Variants in ERC2 observed in about 807,000 individuals in gnomAD.
ERC2 encodes the protein ERC protein 2.
In ERC2, 42 loss-of-function variants were observed where a neutral mutation model predicts 114.8. That is an observed-to-expected ratio of 0.37 (90% CI 0.29 to 0.47). The LOEUF is 0.47. ERC2 is among the 20% of genes least tolerant of loss of function. ERC2 has a pLI of 0.99. For synonymous variants in ERC2, 454 were observed against 425.5 expected, an observed-to-expected ratio of 1.07 and a Z score of -0.82; for missense variants, 939 against 1,150.7, an observed-to-expected ratio of 0.82 and a Z score of 2.66.
chr3:55,928,968 G>C (rs1171834930), intron 13 of ERC2, among the ~76,000 whole-genome samples: 2 of 152,100 alleles, frequency 1.3e-5, no homozygotes, highest in Non-Finnish European at 2.9e-5. Flanking sequence ...ATTGGTCCAT[G>C]TATCTCTTTT....
At chr3:56,122,527 C>T (rs1251883429) in intron 6 of ERC2, among the ~76,000 whole-genome samples, 2 of 152,076 alleles carry the variant, frequency 1.3e-5, no homozygotes, top group Non-Finnish European at 2.9e-5. Context: ...AAATCAAAGC[C>T]ATCCGCAATT....
At chr3:56,117,382 C>T (rs1172905675) in intron 6 of ERC2, among the ~76,000 whole-genome samples, 2 of 152,160 alleles carry the variant, frequency 1.3e-5, no homozygotes, top group East Asian at 1.9e-4. Context: ...ACATAATCCT[C>T]CACAGGAAAC....
At chr3:55,757,106 T>C (rs2067111826) in intron 14 of ERC2, among the ~76,000 whole-genome samples, 1 of 152,190 alleles carries the variant, frequency 6.6e-6, no homozygotes. Context: ...CTATGGTGTA[T>C]GTGGGTATTC....
intron 2 of ERC2, among the ~76,000 whole-genome samples, chr3:56,331,631 A>G (rs1270575711): frequency 1.3e-5 from 2 of 149,872 alleles, no homozygotes; most frequent in African/African-American, 2.5e-5. Context: ...AACACATTTT[A>G]ATTCAGTATT....
At chr3:56,292,073 C>A (rs2055124023) in intron 3 of ERC2, among the ~76,000 whole-genome samples, 1 of 152,148 alleles carries the variant, frequency 6.6e-6, no homozygotes, top group South Asian at 2.1e-4. Context: ...AAGAGAAAAG[C>A]AAGTCACGTA....
At chr3:56,076,110 C>T (rs944030555) in intron 7 of ERC2, among the ~76,000 whole-genome samples, 8 of 152,136 alleles carry the variant, frequency 5.3e-5, no homozygotes, top group African/African-American at 1.9e-4. Flanking sequence ...TTCCAACCCA[C>T]AGGGCAATCC....
chr3:56,447,101 T>C (rs1332665139), intron 1 of ERC2, among the ~76,000 whole-genome samples: 2 of 152,216 alleles, frequency 1.3e-5, no homozygotes, highest in Non-Finnish European at 2.9e-5. Flanking sequence ...CATGTTCCCA[T>C]ACAGGCCATG....
At chr3:56,180,605 C>T (rs1396268328) in intron 3 of ERC2, among the ~76,000 whole-genome samples, 1 of 152,078 alleles carries the variant, frequency 6.6e-6, no homozygotes, top group Admixed American at 6.6e-5. Context: ...CTAGAGTAGA[C>T]AAACTTATCG....
intron 17 of ERC2, among the ~76,000 whole-genome samples, chr3:55,609,779 T>C (rs1413581772): frequency 6.6e-6 from 1 of 152,040 alleles, no homozygotes; most frequent in Non-Finnish European, 1.5e-5. Context: ...AGCACTTTAA[T>C]CTGCAAAATG....
At chr3:56,384,402 T>C (rs1281991360) in intron 2 of ERC2, among the ~76,000 whole-genome samples, 1 of 152,196 alleles carries the variant, frequency 6.6e-6, no homozygotes, top group Non-Finnish European at 1.5e-5. Context: ...TTAATGGGTA[T>C]AAAGTAGTAT....
intron 14 of ERC2, among the ~76,000 whole-genome samples, chr3:55,750,538 G>A (rs1239803452): frequency 6.6e-6 from 1 of 152,172 alleles, no homozygotes; most frequent in Admixed American, 6.5e-5. Context: ...GATGATGGGG[G>A]CAGGCTTCAC....
intron 4 of ERC2, among the ~76,000 whole-genome samples, chr3:56,152,848 T>C (rs749123763): frequency 4.7e-4 from 72 of 152,270 alleles, no homozygotes; most frequent in Non-Finnish European, 2.1e-4. Flanking sequence ...CCCAAGACTA[T>C]TTTACATCTA....
intron 17 of ERC2, among the ~76,000 whole-genome samples, chr3:55,584,019 C>T (rs112563611): frequency 1.5e-4 from 23 of 152,260 alleles, no homozygotes; most frequent in African/African-American, 5.1e-4. Context: ...ACACATAAAA[C>T]GGTAATAAGC....
At chr3:56,124,136 T>C (rs1326420786) in intron 6 of ERC2, among the ~76,000 whole-genome samples, 1 of 152,220 alleles carries the variant, frequency 6.6e-6, no homozygotes, top group Non-Finnish European at 1.5e-5. Flanking sequence ...ATAAATGTGA[T>C]ATGCTGCTAT....
intron 1 of ERC2, among the ~76,000 whole-genome samples, chr3:56,453,933 T>C (rs79938654): frequency 0.018 from 2,788 of 152,292 alleles, 38 homozygotes; most frequent in Middle Eastern, 0.041. Flanking sequence ...GTGCCTGTCC[T>C]GGAGCACAGC....
In ERC2 at chr3:56,032,921, A is replaced by C. The variant is rs1477220583; in HGVS notation, c.1642-13890T>G. ...AGAGACAGAAAGAAAGAAAGAAAGA[A>C]AGAAAGAAAGAAAGAAAGAAAGAAA... On this transcript the variant is annotated intron_variant, in intron 7 of 17. Transcript: ENST00000288221. 8.3e-3 allele frequency among the ~76,000 whole-genome samples: 665 copies of C among 80,474 alleles called. 11 individuals are homozygous for C. The highest frequency in any genetic ancestry group is 0.025 in the Admixed American group (154 of 6,082). 52.8% of individuals were successfully genotyped at this position (80,474 alleles called of 152,430 possible). A position where few individuals can be genotyped will look rare whatever the true frequency, so the allele number is the denominator to read the frequency against.
chr3:55,723,768 G>T (rs1012578730), intron 15 of ERC2, among the ~76,000 whole-genome samples: 1 of 152,180 alleles, frequency 6.6e-6, no homozygotes, highest in Non-Finnish European at 1.5e-5. Flanking sequence ...GACAGACCTG[G>T]TGTGCACCAC....
intron 1 of ERC2, among the ~76,000 whole-genome samples, chr3:56,452,510 T>G (rs1387947381): frequency 1.3e-5 from 2 of 152,234 alleles, no homozygotes; most frequent in African/African-American, 4.8e-5. Flanking sequence ...CTAAATTGAT[T>G]TAGGTTTTAA....
chr3:55,889,000 A>G (rs765442851), intron 13 of ERC2, among the ~76,000 whole-genome samples: 9 of 152,246 alleles, frequency 5.9e-5, no homozygotes, highest in Admixed American at 1.3e-4. Context: ...TCCTTGTTCA[A>G]TTGGATTGCC....
Sources: gnomAD v4.1 joint callset for allele counts (sites outside exome capture counted in the v4.1 genomes callset) on GRCh38, gnomAD v4.1.1 for gene constraint, MANE v1.5 for transcripts, NCBI Gene and HGNC (gene_info 2026-07-23, HGNC 2026-07-21) for gene names.